The following FRAS1 variants were observed in gnomAD, a reference collection of about 807,000 sequenced individuals.
FRAS1 encodes the protein extracellular matrix organizing protein FRAS1.
A neutral mutation model predicts 435.2 loss-of-function variants in FRAS1; 290 were observed. The observed-to-expected ratio is 0.67, with a 90% CI of 0.61 to 0.73. The LOEUF (loss-of-function observed/expected upper bound fraction) is 0.73, where lower values mean the gene tolerates loss of function less well. FRAS1 is among the 30% of genes least tolerant of loss of function. FRAS1 has a pLI of 0.00. For synonymous variants in FRAS1, 1,800 were observed against 1,851.0 expected, an observed-to-expected ratio of 0.97 and a Z score of 0.71; for missense variants, 4,860 against 5,001.5, an observed-to-expected ratio of 0.97 and a Z score of 0.85.
chr4:78,520,173 T>G (rs1721341885), intron 67 of FRAS1, among the ~76,000 whole-genome samples: 1 of 151,590 alleles, frequency 6.6e-6, no homozygotes, highest in Non-Finnish European at 1.5e-5. Flanking sequence ...CTCCTCCTAC[T>G]GCTTCCACAT....
intron 47 of FRAS1, among the ~76,000 whole-genome samples, chr4:78,463,634 G>T (rs1338105665): frequency 6.6e-6 from 1 of 152,190 alleles, no homozygotes; most frequent in Admixed American, 6.5e-5. Flanking sequence ...TAAAATGAGG[G>T]TAGGTCTTCA....
chr4:78,438,851 C>A, intron 39 of FRAS1, 51 bp from the exon 40 acceptor site: 2 of 1,550,888 alleles, frequency 1.3e-6, no homozygotes, highest in Admixed American at 1.9e-5. Context: ...TGCTGTCTTA[C>A]CTGGCTTGTC....
intron 56 of FRAS1, among the ~76,000 whole-genome samples, chr4:78,481,088 A>G (rs995651962): frequency 1.3e-5 from 2 of 152,256 alleles, no homozygotes; most frequent in African/African-American, 2.4e-5. Flanking sequence ...ATGCCCAGCC[A>G]TAACTACATT....
Position 78,278,745 on chromosome 4 carries a change from G to T in FRAS1, c.1071+1G>T, listed in dbSNP as rs1252682157. The T allele has an allele frequency of 2.0e-6, 3 of 1,536,802 alleles. No homozygotes were observed. The highest frequency in any genetic ancestry group is 2.7e-6 in the Non-Finnish European group (3 of 1,111,010). On this transcript the variant is annotated splice_donor_variant, in intron 10 of 73. Coordinates refer to ENST00000512123, the MANE Select transcript of FRAS1 (RefSeq NM_025074.7). LOFTEE classifies it high-confidence loss of function. ...TGTTTATGAAGAAACTGGAGAATTTGTGAGTATCAGGCTTATAACCGAAGA... is the reference window on the plus strand; with the variant it reads ...TGTTTATGAAGAAACTGGAGAATTTTTGAGTATCAGGCTTATAACCGAAGA...
intron 15 of FRAS1, 27 bp downstream of exon 15, chr4:78,308,236 T>C (rs749063670): frequency 9.4e-6 from 15 of 1,599,566 alleles, no homozygotes; most frequent in Non-Finnish European, 1.3e-5. Context: ...GATGCTGACG[T>C]GTCCTTTCCT....
chr4:78,137,957 GTATT>G (rs1200195985), intron 2 of FRAS1, among the ~76,000 whole-genome samples: 1 of 152,254 alleles, frequency 6.6e-6, no homozygotes, highest in African/African-American at 2.4e-5. Flanking sequence ...CGGATGAATG[GTATT>G]TATTGGTAGT....
chr4:78,233,087 C>G (rs1724585340), intron 2 of FRAS1, among the ~76,000 whole-genome samples: 1 of 152,206 alleles, frequency 6.6e-6, no homozygotes, highest in Admixed American at 6.5e-5. Context: ...CTGAGGGCTG[C>G]TTAAAAGTAT....
intron 2 of FRAS1, among the ~76,000 whole-genome samples, chr4:78,130,504 C>T (rs1219589885): frequency 6.6e-6 from 1 of 152,142 alleles, no homozygotes; most frequent in Non-Finnish European, 1.5e-5. Context: ...CCCTTGCCTC[C>T]AGAATCAACT....
In FRAS1 at chr4:78,468,786, TG is replaced by T. The variant is rs1719615377; in HGVS notation, c.7258-1188del. Among the ~76,000 whole-genome samples, 4 of 152,332 alleles carry T rather than the reference TG, an allele frequency of 2.6e-5. No homozygotes were observed. In the South Asian group the frequency reaches 8.3e-4, roughly 32 times the overall value. On this transcript the variant is annotated intron_variant, in intron 50 of 73. Coordinates refer to ENST00000512123, the MANE Select transcript of FRAS1 (RefSeq NM_025074.7). ...GGCACCCCTACATCTGTGTCTGACC[TG>T]GGGAAGGCAGTTTTAGTGAGCGGCA...
Position 78,317,983 on chromosome 4 carries a change from A to G in FRAS1, c.1960+475A>G, listed in dbSNP as rs369443826. 7.5e-4 allele frequency among the ~76,000 whole-genome samples: 115 copies of G among 152,344 alleles called. 1 individual carries two copies. Among genetic ancestry groups the G allele is most frequent in the African/African-American group, 2.3e-3 (94 of 41,584 alleles). On this transcript the variant is annotated intron_variant, in intron 17 of 73. Coordinates refer to ENST00000512123, the MANE Select transcript of FRAS1 (RefSeq NM_025074.7). ...TTGGGCTGCTTGGGAGGGCAATATC[A>G]TTTAAGCATTTTGAAACTAGAATAT...
intron 2 of FRAS1, among the ~76,000 whole-genome samples, chr4:78,192,390 G>A (rs62308040): frequency 3.3e-5 from 5 of 151,944 alleles, no homozygotes; most frequent in Non-Finnish European, 7.4e-5. Flanking sequence ...GGTAGAATTC[G>A]GCTGTGAATC....
intron 2 of FRAS1, among the ~76,000 whole-genome samples, chr4:78,109,243 AT>A (rs1742562108): frequency 1.2e-5 from 1 of 80,550 alleles, no homozygotes; most frequent in East Asian, 3.4e-4. Flanking sequence ...TCCCTAACTC[AT>A]TTTATGAGGC....
chr4:78,402,539 C>T (rs1732931390), intron 30 of FRAS1, among the ~76,000 whole-genome samples: 1 of 152,054 alleles, frequency 6.6e-6, no homozygotes, highest in Admixed American at 6.6e-5. Context: ...TTTAAAAAAA[C>T]ATTTAGACTA....
chr4:78,116,926 T>C (rs1419112803), intron 2 of FRAS1, among the ~76,000 whole-genome samples: 1 of 152,206 alleles, frequency 6.6e-6, no homozygotes, highest in African/African-American at 2.4e-5. Flanking sequence ...TTCCTAGCCT[T>C]GATGATCTTT....
chr4:78,524,219 T>A (rs909565872), intron 69 of FRAS1, among the ~76,000 whole-genome samples: 1 of 152,190 alleles, frequency 6.6e-6, no homozygotes, highest in Non-Finnish European at 1.5e-5. Flanking sequence ...TCATCTTAAA[T>A]CCCCAGAACC....
At chr4:78,463,764 G>A (rs1397027376) in intron 47 of FRAS1, among the ~76,000 whole-genome samples, 1 of 152,164 alleles carries the variant, frequency 6.6e-6, no homozygotes, top group African/African-American at 2.4e-5. Flanking sequence ...AAAAAGAAGA[G>A]TAACATTGAT....
chr4:78,141,060 T>C (rs965475496), intron 2 of FRAS1, among the ~76,000 whole-genome samples: 18 of 152,156 alleles, frequency 1.2e-4, no homozygotes, highest in African/African-American at 4.3e-4. Context: ...TTCTTTTTTA[T>C]TATACTTTAA....
intron 59 of FRAS1, among the ~76,000 whole-genome samples, chr4:78,496,096 T>C (rs1720500926): frequency 6.6e-6 from 1 of 152,202 alleles, no homozygotes; most frequent in Admixed American, 6.5e-5. Context: ...TCACATCACA[T>C]GACTCTACTA....
At chr4:78,120,584 G>T (rs1421269075) in intron 2 of FRAS1, among the ~76,000 whole-genome samples, 1 of 152,132 alleles carries the variant, frequency 6.6e-6, no homozygotes, top group Non-Finnish European at 1.5e-5. Flanking sequence ...GGGAAAAAGG[G>T]GCCTGTGTGC....
Sources: allele counts gnomAD v4.1 joint callset (sites outside exome capture counted in the v4.1 genomes callset), GRCh38; gene constraint gnomAD v4.1.1; transcripts MANE v1.5; gene names NCBI Gene and HGNC (gene_info 2026-07-23, HGNC 2026-07-21).